The following CHN2 variants were observed in gnomAD, a reference collection of about 807,000 sequenced individuals.
CHN2 encodes the protein chimerin 2.
In CHN2, 35 loss-of-function variants were observed where a neutral mutation model predicts 56.3. The ratio of observed to expected loss-of-function variants is 0.62; its 90% CI spans 0.47 to 0.82. The LOEUF (loss-of-function observed/expected upper bound fraction) is 0.82, where lower values mean the gene tolerates loss of function less well. Among genes scored for constraint, CHN2 ranks in the 40% least tolerant of loss-of-function variants. CHN2 has a pLI of 0.00. For missense variants in CHN2, 491 were observed against 580.5 expected (o/e 0.85, Z 1.58); for synonymous variants, 210 against 212.8 (o/e 0.99, Z 0.12).
intron 1 of CHN2, among the ~76,000 whole-genome samples, chr7:29,348,588 A>G (rs937559636): frequency 1.6e-4 from 24 of 152,318 alleles, no homozygotes; most frequent in Middle Eastern, 3.4e-3. Context: ...AAGAGGGCCA[A>G]AGGAATCGGA....
intron 2 of CHN2, chr7:29,184,301 A>G (rs998776433): frequency 2.6e-4 from 39 of 151,328 alleles, no homozygotes; most frequent in African/African-American, 9.2e-4. Flanking sequence ...TAGGAATATT[A>G]TATATGGTAT....
At chr7:29,308,980 A>G (rs568351040) in intron 1 of CHN2, among the ~76,000 whole-genome samples, 3 of 152,340 alleles carry the variant, frequency 2.0e-5, no homozygotes, top group South Asian at 2.1e-4. Context: ...GCAATGCAAC[A>G]TCTTGCACAG....
In CHN2 at chr7:29,371,269, A is replaced by C. The variant is rs908123611; in HGVS notation, c.144+3282A>C. On this transcript the variant is annotated intron_variant, in intron 3 of 12. Coordinates refer to ENST00000222792, the MANE Select transcript of CHN2 (RefSeq NM_004067.4). The stretch of plus-strand genomic sequence containing the variant: ...CAGGTCCGGAATTAAGCAACCAGGA[A>C]AAAAGATACTGAGGATGAGGAACAG... Among the ~76,000 whole-genome samples, 5 of 152,352 alleles carry C rather than the reference A, an allele frequency of 3.3e-5. 1 individual carries two copies. Among genetic ancestry groups the C allele is most frequent in the African/African-American group, 1.2e-4 (5 of 41,586 alleles).
At chr7:29,507,558 G>A (rs986576440) in intron 11 of CHN2, among the ~76,000 whole-genome samples, 193 bp downstream of exon 11, 1 of 152,186 alleles carries the variant, frequency 6.6e-6, no homozygotes, top group African/African-American at 2.4e-5. Context: ...GAACTCTGTG[G>A]GCTGATGTAT....
At chr7:29,383,066 T>C (rs1800641640) in intron 3 of CHN2, among the ~76,000 whole-genome samples, 1 of 152,180 alleles carries the variant, frequency 6.6e-6, no homozygotes, top group Non-Finnish European at 1.5e-5. Flanking sequence ...TAAATACGTA[T>C]TGAGCCCTTG....
chr7:29,323,866 T>C (rs1312784849), intron 1 of CHN2, among the ~76,000 whole-genome samples: 1 of 151,834 alleles, frequency 6.6e-6, no homozygotes, highest in Non-Finnish European at 1.5e-5. Flanking sequence ...TAGCCGGGCG[T>C]GGTGGCAGGC....
intron 1 of CHN2, among the ~76,000 whole-genome samples, chr7:29,227,464 C>CTT (rs1786296800): frequency 6.6e-6 from 1 of 152,186 alleles, no homozygotes. Flanking sequence ...ATGGTGCCCA[C>CTT]TTTATCGTAA....
rs765112139 is a variant in CHN2, at chr7:29,400,756, AAGGCTGAGC to A, written c.508_516del (p.Leu170_Arg172del). 3.5e-4 allele frequency: 567 copies of A among 1,614,178 alleles called. 2 individuals are homozygous for A. Among genetic ancestry groups the A allele is most frequent in the Non-Finnish European group, 1.2e-4 (145 of 1,180,026 alleles). ...CCCTACTCAGAGAAAAAGTATCCAG[AAGGCTGAGC>A]AGGTCTAAAAATGAACCAAGAAAAA... On this transcript the variant is annotated inframe_deletion, in exon 6 of 13. Transcript: ENST00000222792.
intron 1 of CHN2, among the ~76,000 whole-genome samples, chr7:29,218,601 C>T (rs1785518718): frequency 6.6e-6 from 1 of 152,068 alleles, no homozygotes; most frequent in South Asian, 2.1e-4. Context: ...GGCATATATA[C>T]ACCATGGAAT....
intron 1 of CHN2, among the ~76,000 whole-genome samples, chr7:29,202,967 G>A (rs1256542878): frequency 6.6e-6 from 1 of 152,112 alleles, no homozygotes; most frequent in East Asian, 1.9e-4. Context: ...GACCTCTAAG[G>A]GCCTGATTCT....
At chr7:29,303,992 G>A (rs1372852257) in intron 1 of CHN2, among the ~76,000 whole-genome samples, 3 of 152,056 alleles carry the variant, frequency 2.0e-5, no homozygotes, top group African/African-American at 7.2e-5. Flanking sequence ...CCCAGGAGGC[G>A]GAGATTGCAG....
At chr7:29,482,921 A>T (rs1787481795) in intron 7 of CHN2, among the ~76,000 whole-genome samples, 1 of 139,110 alleles carries the variant, frequency 7.2e-6, no homozygotes, top group Non-Finnish European at 1.5e-5. Flanking sequence ...TCCCGGGTTC[A>T]TGCCATTCTC....
At chr7:29,201,052 A>G (rs558752989) in intron 1 of CHN2, among the ~76,000 whole-genome samples, 14 of 152,360 alleles carry the variant, frequency 9.2e-5, no homozygotes, top group Non-Finnish European at 1.3e-4. Flanking sequence ...GACTAATTTT[A>G]GCATTCCTTT....
chr7:29,467,324 G>T (rs1397689669), intron 6 of CHN2, among the ~76,000 whole-genome samples: 1 of 152,142 alleles, frequency 6.6e-6, no homozygotes, highest in Non-Finnish European at 1.5e-5. Context: ...GCAATTTCCT[G>T]CCTGTGTTTG....
chr7:29,466,413 T>C (rs1490344521), intron 6 of CHN2, among the ~76,000 whole-genome samples: 3 of 152,196 alleles, frequency 2.0e-5, no homozygotes, highest in African/African-American at 2.4e-5. Flanking sequence ...ATAATATATA[T>C]GATTAGAGCA....
chr7:29,179,423 C>G (rs1264544564), intron 2 of CHN2, among the ~76,000 whole-genome samples: 1 of 152,226 alleles, frequency 6.6e-6, no homozygotes, highest in Non-Finnish European at 1.5e-5. Context: ...CACAGAAACT[C>G]AGGCTGAAGT....
At chr7:29,153,696 A>G (rs1793937714) in intron 2 of CHN2, among the ~76,000 whole-genome samples, 1 of 152,058 alleles carries the variant, frequency 6.6e-6, no homozygotes, top group Admixed American at 6.5e-5. Context: ...CAGCCTCCTG[A>G]GTGGCTGGGA....
chr7:29,209,360 A>T (rs1784756711), intron 1 of CHN2, among the ~76,000 whole-genome samples: 1 of 152,206 alleles, frequency 6.6e-6, no homozygotes, highest in Admixed American at 6.5e-5. Context: ...TTATAGTCTT[A>T]GTTGAGAGCC....
intron 2 of CHN2, among the ~76,000 whole-genome samples, chr7:29,160,433 G>A (rs558332136): frequency 1.3e-5 from 2 of 152,220 alleles, no homozygotes; most frequent in Admixed American, 1.3e-4. Flanking sequence ...GGGCAATAAT[G>A]TACCCAGGAG....
Sources: allele counts gnomAD v4.1 joint callset (sites outside exome capture counted in the v4.1 genomes callset), GRCh38; gene constraint gnomAD v4.1.1; transcripts MANE v1.5; gene names NCBI Gene and HGNC (gene_info 2026-07-23, HGNC 2026-07-21).